The following DNAH5 variants were observed in gnomAD, a reference collection of about 807,000 sequenced individuals.
DNAH5 encodes the protein axonemal beta dynein heavy chain 5.
A neutral mutation model predicts 518.2 loss-of-function variants in DNAH5; 372 were observed. The observed-to-expected ratio is 0.72, with a 90% CI of 0.66 to 0.78. The LOEUF (loss-of-function observed/expected upper bound fraction) is 0.78. Ranked by LOEUF, DNAH5 falls within the 30% of genes least tolerant of loss-of-function variation. The probability of loss-of-function intolerance (pLI) is 0.00; values close to 1 mark genes in which losing one functional copy is unlikely to be tolerated. For missense variants in DNAH5, 5,523 were observed against 5,687.0 expected, an observed-to-expected ratio of 0.97 and a Z score of 0.93; for synonymous variants, 2,039 against 2,025.9, an observed-to-expected ratio of 1.01 and a Z score of -0.17.
At chr5:13,901,987 G>A in intron 13 of DNAH5, 66 bp downstream of exon 13, 2 of 1,111,824 alleles carry the variant, frequency 1.8e-6, no homozygotes, top group Non-Finnish European at 2.6e-6. Context: ...ATAATAATAG[G>A]AATAACAACA....
At chr5:13,898,224 A>G (rs1561529753) in intron 15 of DNAH5, 1 of 209,560 alleles carries the variant, frequency 4.8e-6, no homozygotes, top group Non-Finnish European at 9.3e-6. Flanking sequence ...AAGTCATGAT[A>G]TAATGATACG....
chr5:13,823,185 C>T (rs935642227), intron 40 of DNAH5, 78 bp downstream of exon 40: 4 of 975,622 alleles, frequency 4.1e-6, no homozygotes, highest in Non-Finnish European at 6.7e-6. Flanking sequence ...TAGGTTGGAG[C>T]CACAGCAGCC....
intron 12 of DNAH5, among the ~76,000 whole-genome samples, chr5:13,904,964 GA>G (rs776666468): frequency 1.3e-5 from 2 of 151,908 alleles, no homozygotes; most frequent in African/African-American, 2.4e-5. Context: ...TAAAAGAACA[GA>G]AAAAAATGTT....
chr5:13,691,866 G>GCT lies in DNAH5; in HGVS notation c.*116_*117dup, dbSNP rs1740731180. On this transcript the variant is annotated 3_prime_UTR_variant, in exon 79 of 79. Coordinates refer to ENST00000265104, the MANE Select transcript of DNAH5 (RefSeq NM_001369.3). ...TTAAGGAGTGGGGAAAACCTATGCA[G>GCT]CTCATTAATTGCATAAACGACCTAA... 2 of 1,233,510 alleles carry GCT rather than the reference G, an allele frequency of 1.6e-6. No homozygotes were observed. The highest frequency in any genetic ancestry group is 4.8e-5 in the East Asian group (2 of 41,366). The allele number at this position is 1,233,510 out of a possible 1,614,324, so 76.4% of individuals were successfully genotyped here. A position where few individuals can be genotyped will look rare whatever the true frequency, so the allele number is the denominator to read the frequency against.
chr5:13,755,465 A>G (rs1375871161), intron 61 of DNAH5, among the ~76,000 whole-genome samples: 1 of 152,218 alleles, frequency 6.6e-6, no homozygotes, highest in Non-Finnish European at 1.5e-5. Flanking sequence ...TTCAAAATGC[A>G]TCTGAAAGGC....
intron 75 of DNAH5, among the ~76,000 whole-genome samples, chr5:13,713,286 A>AACATATATATACCG (rs1321293225): frequency 1.4e-5 from 2 of 145,556 alleles, no homozygotes; most frequent in South Asian, 2.1e-4. Flanking sequence ...TATATATACC[A>AACATATATATACCG]ACATATATAT....
intron 38 of DNAH5, among the ~76,000 whole-genome samples, 169 bp from the exon 39 acceptor site, chr5:13,824,502 G>A (rs746854929): frequency 3.9e-5 from 6 of 152,118 alleles, no homozygotes; most frequent in Non-Finnish European, 7.3e-5. Flanking sequence ...TACGTTTTGA[G>A]CAAATAGGGA....
At chr5:13,832,981 TA>T (rs1416975396) in intron 35 of DNAH5, among the ~76,000 whole-genome samples, 13 of 152,226 alleles carry the variant, frequency 8.5e-5, no homozygotes, top group Admixed American at 8.5e-4. Flanking sequence ...CTATTGGTTC[TA>T]AACTGCTGAA....
intron 41 of DNAH5, among the ~76,000 whole-genome samples, chr5:13,818,665 AC>A (rs1761806673): frequency 6.6e-6 from 1 of 152,224 alleles, no homozygotes; most frequent in South Asian, 2.1e-4. Context: ...CTCATGGGAT[AC>A]TTGTCCAAAC....
chr5:13,811,019 G>A (rs927870177), intron 44 of DNAH5, among the ~76,000 whole-genome samples: 1 of 152,240 alleles, frequency 6.6e-6, no homozygotes, highest in Non-Finnish European at 1.5e-5. Flanking sequence ...ATCTGTGGGA[G>A]CTAAAAATTA....
chr5:13,717,262 G>T, intron 73 of DNAH5, 53 bp downstream of exon 73: 1 of 1,542,440 alleles, frequency 6.5e-7, no homozygotes. Flanking sequence ...CCGTGAGCTT[G>T]ATGGCCCAAG....
chr5:13,813,000 C>G (rs1362313870), intron 43 of DNAH5, among the ~76,000 whole-genome samples: 1 of 152,180 alleles, frequency 6.6e-6, no homozygotes, highest in East Asian at 1.9e-4. Flanking sequence ...ACGACATTCA[C>G]TAGGGCAGGT....
chr5:13,718,760 A>T, intron 72 of DNAH5, 122 bp downstream of exon 72: 1 of 816,178 alleles, frequency 1.2e-6, no homozygotes, highest in Admixed American at 2.0e-5. Flanking sequence ...TCACCTCCCC[A>T]TCAGGTTAAA....
At chr5:13,776,325 G>A in intron 55 of DNAH5, 114 bp downstream of exon 55, 1 of 1,394,656 alleles carries the variant, frequency 7.2e-7, no homozygotes, top group Non-Finnish European at 1.0e-6. Flanking sequence ...GCCTTCCCAT[G>A]ACATCCTGGA....
intron 63 of DNAH5, 27 bp from the exon 64 acceptor site, chr5:13,752,316 T>G: frequency 6.2e-7 from 1 of 1,613,462 alleles, no homozygotes; most frequent in Admixed American, 1.7e-5. Context: ...AAGGTTGCTA[T>G]TGGCAGACAT....
chr5:13,941,276 T>G (rs748334219), intron 1 of DNAH5, among the ~76,000 whole-genome samples: 26 of 152,224 alleles, frequency 1.7e-4, no homozygotes, highest in Non-Finnish European at 3.1e-4. Flanking sequence ...AAGGATTGGT[T>G]GAGCCCAGGA....
chr5:13,793,871 A>G, intron 48 of DNAH5, 65 bp downstream of exon 48: 1 of 1,573,400 alleles, frequency 6.4e-7, no homozygotes, highest in Non-Finnish European at 8.6e-7. Flanking sequence ...AAATTTTTAA[A>G]AACTCTTCTA....
chr5:13,817,943 A>G (rs182678912), intron 41 of DNAH5, among the ~76,000 whole-genome samples: 10 of 152,356 alleles, frequency 6.6e-5, no homozygotes, highest in African/African-American at 1.9e-4. Flanking sequence ...AAAAGATACC[A>G]TGCTGGAATT....
chr5:13,913,995 A>C, intron 10 of DNAH5, 37 bp from the exon 11 acceptor site: 1 of 1,603,676 alleles, frequency 6.2e-7, no homozygotes, highest in South Asian at 1.1e-5. Context: ...CAAAGGGAAC[A>C]AGAAAGGTAT....
Sources: gnomAD v4.1 joint callset for allele counts (sites outside exome capture counted in the v4.1 genomes callset) on GRCh38, gnomAD v4.1.1 for gene constraint, MANE v1.5 for transcripts, NCBI Gene and HGNC (gene_info 2026-07-23, HGNC 2026-07-21) for gene names.